Variants in FRMD4A observed in about 807,000 individuals in gnomAD.
FRMD4A encodes FERM domain containing 4A.
A neutral mutation model predicts 129.1 loss-of-function variants in FRMD4A; 29 were observed. The ratio of observed to expected loss-of-function variants is 0.22; its 90% CI spans 0.17 to 0.31. The LOEUF is 0.31. Ranked by LOEUF, FRMD4A falls within the 10% of genes least tolerant of loss-of-function variation. The pLI is 1.00. For missense variants in FRMD4A, 1,272 were observed against 1,375.8 expected, an observed-to-expected ratio of 0.92 and a Z score of 1.19; for synonymous variants, 634 against 571.6, an observed-to-expected ratio of 1.11 and a Z score of -1.56.
intron 2 of FRMD4A, among the ~76,000 whole-genome samples, chr10:14,254,793 A>C (rs147209671): frequency 6.6e-6 from 1 of 152,170 alleles, no homozygotes; most frequent in African/African-American, 2.4e-5. Flanking sequence ...ATAATAATAA[A>C]ATCGAAAAAA....
chr10:13,855,612 G>A (rs1037086731), intron 3 of FRMD4A, among the ~76,000 whole-genome samples: 5 of 152,058 alleles, frequency 3.3e-5, no homozygotes, highest in Admixed American at 1.3e-4. Flanking sequence ...TTTGTCTAAG[G>A]CTTATTACAA....
intron 2 of FRMD4A, among the ~76,000 whole-genome samples, chr10:14,031,666 G>A (rs150886598): frequency 1.9e-3 from 286 of 152,316 alleles, no homozygotes; most frequent in African/African-American, 6.4e-3. Flanking sequence ...AGCTCTAGGC[G>A]AAGCTCTTAG....
At chr10:14,112,235 C>T (rs1837949599) in intron 2 of FRMD4A, among the ~76,000 whole-genome samples, 1 of 152,034 alleles carries the variant, frequency 6.6e-6, no homozygotes, top group Admixed American at 6.5e-5. Context: ...CAGTCAAGTC[C>T]ATGTTTGAAT....
chr10:13,765,109 T>TTTTG (rs1564763160), intron 6 of FRMD4A, among the ~76,000 whole-genome samples: 6 of 143,258 alleles, frequency 4.2e-5, no homozygotes, highest in Non-Finnish European at 4.6e-5. Context: ...TGATTTTTTT[T>TTTTG]TTTTGTTTTT....
At chr10:14,101,309 T>C (rs562293007) in intron 2 of FRMD4A, among the ~76,000 whole-genome samples, 4 of 152,336 alleles carry the variant, frequency 2.6e-5, no homozygotes, top group Non-Finnish European at 5.9e-5. Context: ...ACTCACAGAA[T>C]TGGTCTGCAA....
At chr10:14,048,865 TA>T (rs1588867687) in intron 2 of FRMD4A, among the ~76,000 whole-genome samples, 1 of 134,594 alleles carries the variant, frequency 7.4e-6, no homozygotes, top group African/African-American at 2.7e-5. Context: ...TAGAATAGAA[TA>T]GAATAGAATA....
At position 14,058,177 on chromosome 10, in the gene FRMD4A, T is replaced by A. The variant is rs377021022; in HGVS notation, c.46-199265A>T. 3.5e-4 allele frequency among the ~76,000 whole-genome samples: 54 copies of A among 152,118 alleles called. No individual in the cohort carries two copies. The South Asian group carries it at 0.011, about 31-fold the overall frequency. ...GAGGTGATAGTCCCCAAATGCTAGC[T>A]TCCCAAACCCATAGGGACAAGAAAG... On this transcript the variant is annotated intron_variant, in intron 2 of 24. Coordinates refer to ENST00000357447, the MANE Select transcript of FRMD4A (RefSeq NM_018027.5).
At chr10:13,662,037 G>A (rs1032615006) in intron 19 of FRMD4A, among the ~76,000 whole-genome samples, 7 of 152,160 alleles carry the variant, frequency 4.6e-5, no homozygotes, top group Admixed American at 1.3e-4. Context: ...TCTGGAACAC[G>A]GGGAAGAAGC....
chr10:14,122,750 CA>C (rs200204635), intron 2 of FRMD4A, among the ~76,000 whole-genome samples: 1,690 of 152,152 alleles, frequency 0.011, 44 homozygotes, highest in African/African-American at 0.039. Context: ...GACCCACCTG[CA>C]ACATTGGGGA....
intron 2 of FRMD4A, among the ~76,000 whole-genome samples, chr10:14,145,862 C>G (rs1318325954): frequency 6.6e-6 from 1 of 152,126 alleles, no homozygotes; most frequent in Non-Finnish European, 1.5e-5. Context: ...AATCTCTGAT[C>G]CAGGGTTGCA....
chr10:13,704,923 C>T (rs1395733287), intron 13 of FRMD4A, among the ~76,000 whole-genome samples: 3 of 148,312 alleles, frequency 2.0e-5, no homozygotes, highest in Non-Finnish European at 4.5e-5. Flanking sequence ...AAAAAAAAAG[C>T]TGGGTACGGT....
intron 14 of FRMD4A, among the ~76,000 whole-genome samples, chr10:13,697,599 T>C (rs527998715): frequency 6.6e-6 from 1 of 152,058 alleles, no homozygotes; most frequent in Non-Finnish European, 1.5e-5. Context: ...CTGGAACATT[T>C]TGGTCTGGGA....
At chr10:14,185,603 A>G (rs11258926) in intron 2 of FRMD4A, among the ~76,000 whole-genome samples, 45 of 141,894 alleles carry the variant, frequency 3.2e-4, no homozygotes, top group African/African-American at 1.1e-3. Context: ...AAACAGGTAG[A>G]GAGACAGAAA....
chr10:14,190,805 G>C (rs1363724469), intron 2 of FRMD4A, among the ~76,000 whole-genome samples: 2 of 152,216 alleles, frequency 1.3e-5, no homozygotes, highest in Non-Finnish European at 2.9e-5. Flanking sequence ...TAATGGAAAA[G>C]TTTCAGGGGG....
chr10:13,955,418 CT>C (rs1317620848), intron 2 of FRMD4A, among the ~76,000 whole-genome samples: 1 of 152,168 alleles, frequency 6.6e-6, no homozygotes, highest in East Asian at 1.9e-4. Flanking sequence ...TAATTCTGCT[CT>C]TAAATGCCAT....
At chr10:14,284,036 C>A (rs939840924) in intron 2 of FRMD4A, among the ~76,000 whole-genome samples, 1 of 152,110 alleles carries the variant, frequency 6.6e-6, no homozygotes, top group Non-Finnish European at 1.5e-5. Flanking sequence ...GTGTCTCCAC[C>A]CAAGCAGTCC....
intron 2 of FRMD4A, among the ~76,000 whole-genome samples, chr10:14,017,231 A>AT (rs1359300980): frequency 6.6e-6 from 1 of 152,104 alleles, no homozygotes; most frequent in Admixed American, 6.5e-5. Flanking sequence ...TAATAAGCTG[A>AT]CCTCTGTGAA....
At chr10:13,793,872 A>G in intron 5 of FRMD4A, among the ~76,000 whole-genome samples, 1 of 152,292 alleles carries the variant, frequency 6.6e-6, no homozygotes, top group Middle Eastern at 3.4e-3. Flanking sequence ...ATTCACCTAT[A>G]TAGAGAATCT....
chr10:14,000,739 G>A (rs1218384191), intron 2 of FRMD4A, among the ~76,000 whole-genome samples: 3 of 148,850 alleles, frequency 2.0e-5, no homozygotes, highest in Non-Finnish European at 3.0e-5. Flanking sequence ...CAATATGGCA[G>A]ATTGAAAGAC....
Sources: gnomAD v4.1 joint callset for allele counts (sites outside exome capture counted in the v4.1 genomes callset) on GRCh38, gnomAD v4.1.1 for gene constraint, MANE v1.5 for transcripts, NCBI Gene and HGNC (gene_info 2026-07-23, HGNC 2026-07-21) for gene names.